Variants in ZNF428 observed in about 807,000 individuals in gnomAD.
The protein encoded by ZNF428 is enzyme-like protein PIT13.
In ZNF428, 5 loss-of-function variants were observed where a neutral mutation model predicts 15.6. That is an observed-to-expected ratio of 0.32 (90% CI 0.17 to 0.67). The LOEUF is 0.67. Among genes scored for constraint, ZNF428 ranks in the 30% least tolerant of loss-of-function variants. ZNF428 has a pLI of 0.73. For missense variants in ZNF428, 237 were observed against 256.0 expected (o/e 0.93, Z 0.51); for synonymous variants, 97 against 102.2 (o/e 0.95, Z 0.31).
In ZNF428 at chr19:43,607,735, TCCC is replaced by T. The variant is rs747372000; in HGVS notation, c.446_448del (p.Arg149_Glu150delinsGln). 6.2e-7 allele frequency: 1 copy of T among 1,612,384 alleles called. No homozygotes were observed. Among genetic ancestry groups the T allele is most frequent in the Non-Finnish European group, 8.5e-7 (1 of 1,179,050 alleles). ...CTCCTCCTCCTCTTCCTCCTCCTCC[TCCC>T]GCCCAGCTGGTCGGCCCTCCCCAGC... On this transcript the variant is annotated inframe_deletion, in exon 3 of 3. Transcript: ENST00000300811. This position sits in a 1 kb window ranked among gnomAD's most constrained non-coding sequence, Gnocchi z 5.1.
intron 1 of ZNF428, among the ~76,000 whole-genome samples, chr19:43,617,582 G>A (rs1197785620): frequency 6.6e-6 from 1 of 152,208 alleles, no homozygotes. Context: ...TGGCAGAGGA[G>A]AATTCTAATG....
At position 43,607,533 on chromosome 19, in the gene ZNF428, A is replaced by C; in HGVS notation, c.*84T>G. ...ACAGACCGGCAGTACCCCATCCCCC[A>C]TGACCACTGTCACAACCCCAATTTC... is the stretch of plus-strand genomic sequence containing the variant. On this transcript the variant is annotated 3_prime_UTR_variant, in exon 3 of 3. Transcript: ENST00000300811. The surrounding 1 kb of genome is among the most constrained non-coding windows in gnomAD (Gnocchi z 5.1). 7 of 1,459,756 alleles carry C rather than the reference A, an allele frequency of 4.8e-6. No individual in the cohort carries two copies. Among genetic ancestry groups the C allele is most frequent in the Non-Finnish European group, 5.5e-6 (6 of 1,095,036 alleles). 90.4% of individuals were successfully genotyped at this position (1,459,756 alleles called of 1,614,324 possible).
intron 2 of ZNF428, chr19:43,613,397 A>G: frequency 6.5e-7 from 1 of 1,530,840 alleles, no homozygotes; most frequent in Non-Finnish European, 8.8e-7. Context: ...GAGAGATCGC[A>G]GCCGATCTAG....
At chr19:43,611,840 C>G (rs1200274587) in intron 2 of ZNF428, among the ~76,000 whole-genome samples, 1 of 152,238 alleles carries the variant, frequency 6.6e-6, no homozygotes, top group East Asian at 1.9e-4. Flanking sequence ...GGGCCTGGGT[C>G]TGCCCCATCT....
intron 2 of ZNF428, chr19:43,613,789 GCA>G (rs1436461434): frequency 7.8e-6 from 12 of 1,547,022 alleles, no homozygotes; most frequent in Non-Finnish European, 1.0e-5. Flanking sequence ...AGGAGAGAGA[GCA>G]CAGACAATCC....
chr19:43,610,307 C>A (rs2003098), intron 2 of ZNF428, among the ~76,000 whole-genome samples: 1 of 146,504 alleles, frequency 6.8e-6, no homozygotes, highest in African/African-American at 2.7e-5. Flanking sequence ...TCAGGCAATT[C>A]TTCTGCCTCA....
intron 1 of ZNF428, among the ~76,000 whole-genome samples, chr19:43,616,525 C>T (rs1973373440): frequency 6.6e-6 from 1 of 152,142 alleles, no homozygotes; most frequent in Non-Finnish European, 1.5e-5. Context: ...AGTGAGTAGC[C>T]CAAGGTCACC....
Position 43,610,180 on chromosome 19 carries a change from C to T in ZNF428, c.77-2073G>A, listed in dbSNP as rs1985396. On this transcript the variant is annotated intron_variant, in intron 2 of 2. Coordinates refer to ENST00000300811, the MANE Select transcript of ZNF428 (RefSeq NM_182498.4). ...CCTGGCCACTCCCCAGCACTCCCTA[C>T]GCCCCTTACTCTGCTTGATTTTTCT... 2.4e-4 allele frequency among the ~76,000 whole-genome samples: 36 copies of T among 150,940 alleles called. No individual in the cohort carries two copies. The South Asian group carries it at 3.8e-3, about 16-fold the overall frequency.
chr19:43,614,294 G>A lies in ZNF428; in HGVS notation c.11C>T (p.Thr4Ile). 1 of 1,609,354 alleles carries A rather than the reference G, an allele frequency of 6.2e-7. No individual in the cohort carries two copies. Among genetic ancestry groups the A allele is most frequent in the African/African-American group, 1.3e-5 (1 of 74,968 alleles). The change falls in exon 2 of 3, where the codon ACC becomes ATC. Residue 4 changes from threonine (T) to isoleucine (I), a missense_variant. Thr to Ile is a moderately conservative substitution (Grantham distance 89). Transcript: ENST00000300811. MTE[T>I]REPAETGGYA... The stretch of plus-strand genomic sequence containing the variant: ...GCCCCCAGTCTCAGCTGGCTCACGG[G>A]TCTCTGTCATGACCGGGGGAGGGGA...
At chr19:43,613,173 G>C (rs1275815002) in intron 2 of ZNF428, 1 of 1,551,568 alleles carries the variant, frequency 6.4e-7, no homozygotes, top group African/African-American at 1.4e-5. Flanking sequence ...AGAAGAGGAA[G>C]AAGTCACAAC....
intron 1 of ZNF428, among the ~76,000 whole-genome samples, chr19:43,617,151 A>C (rs1384904347): frequency 1.3e-5 from 2 of 151,814 alleles, no homozygotes; most frequent in Non-Finnish European, 2.9e-5. Flanking sequence ...AGCCCACCAC[A>C]AACATAAGAA....
In ZNF428 at chr19:43,608,058, G is replaced by A. The variant is rs1379529609; in HGVS notation, c.126C>T (p.Ser42=). 1.8e-5 allele frequency: 29 copies of A among 1,613,824 alleles called. No individual in the cohort carries two copies. The highest frequency in any genetic ancestry group is 2.2e-5 in the Non-Finnish European group (26 of 1,179,998). Residue 42 remains serine (S), a synonymous_variant, in exon 3 of 3, where the codon TCC becomes TCT. Coordinates refer to ENST00000300811, the MANE Select transcript of ZNF428 (RefSeq NM_182498.4). The part of the protein sequence containing the change: ...DSEYTLSEPD[S]EEEEDEEEEE... ...CCTCCTCCTCATCTTCTTCCTCTTC[G>A]GAGTCCGGCTCTGAGAGAGTGTATT...
In ZNF428 at chr19:43,612,318, A is replaced by G; in HGVS notation, c.76+1911T>C. ...AGCCCAAGCAGTTCCAAGTCCACCA[A>G]ATCGACCAGTACAAAAAGAGCCCCT... On this transcript the variant is annotated intron_variant, in intron 2 of 2. Coordinates refer to ENST00000300811, the MANE Select transcript of ZNF428 (RefSeq NM_182498.4). The surrounding 1 kb of genome is among the most constrained non-coding windows in gnomAD (Gnocchi z 4.2). 1.3e-6 allele frequency: 2 copies of G among 1,551,590 alleles called. No homozygotes were observed. Among genetic ancestry groups the G allele is most frequent in the Non-Finnish European group, 8.7e-7 (1 of 1,146,972 alleles).
intron 1 of ZNF428, among the ~76,000 whole-genome samples, chr19:43,614,862 T>A (rs1973356189): frequency 6.6e-6 from 1 of 152,080 alleles, no homozygotes; most frequent in Admixed American, 6.5e-5. Context: ...CCTCGCAAAG[T>A]GCTGGGATTA....
Position 43,612,460 on chromosome 19 carries a change from G to C in ZNF428, c.76+1769C>G. 1 of 1,551,494 alleles carries C rather than the reference G, an allele frequency of 6.4e-7. No individual in the cohort carries two copies. Among genetic ancestry groups the C allele is most frequent in the Non-Finnish European group, 8.7e-7 (1 of 1,146,958 alleles). The stretch of plus-strand genomic sequence containing the variant: ...AGGCCAGCGACGTGAGATGCCACCA[G>C]CGGAGGGGCACACACAGCCGGGGTA... On this transcript the variant is annotated intron_variant, in intron 2 of 2. Coordinates refer to ENST00000300811, the MANE Select transcript of ZNF428 (RefSeq NM_182498.4). This position sits in a 1 kb window ranked among gnomAD's most constrained non-coding sequence, Gnocchi z 4.2.
chr19:43,609,360 G>GGGAGAGAGAGAGAGAGAA, intron 2 of ZNF428, among the ~76,000 whole-genome samples: 1 of 123,346 alleles, frequency 8.1e-6, no homozygotes, highest in Non-Finnish European at 1.7e-5. Context: ...TGTGGCCATG[G>GGGAGAGAGAGAGAGAGAA]AGAGAGAGAG....
chr19:43,613,977 G>T (rs551305864), intron 2 of ZNF428: 1 of 1,551,626 alleles, frequency 6.4e-7, no homozygotes, highest in South Asian at 1.2e-5. Flanking sequence ...GCTCATAGCC[G>T]ATCTAGAACC....
chr19:43,611,340 G>C (rs984258180), intron 2 of ZNF428, among the ~76,000 whole-genome samples: 1 of 146,102 alleles, frequency 6.8e-6, no homozygotes, highest in African/African-American at 2.6e-5. Flanking sequence ...TTTTTTTTTC[G>C]AGAGAGAGTC....
rs1973415564 is a variant in ZNF428 at position 43,619,585 on chromosome 19, T to G, written c.-158A>C. 1 of 152,294 alleles carries G rather than the reference T, an allele frequency of 6.6e-6. No individual in the cohort carries two copies. Among genetic ancestry groups the G allele is most frequent in the African/African-American group, 2.4e-5 (1 of 41,460 alleles). 9.4% of individuals were successfully genotyped at this position (152,294 alleles called of 1,614,324 possible). ...GCGCCGGCGGCCCCCGCTCCGGCTCTGCGGCGGCGGCTGCACGCCCAGCCT... is the reference window on the plus strand; with the variant it reads ...GCGCCGGCGGCCCCCGCTCCGGCTCGGCGGCGGCGGCTGCACGCCCAGCCT... On this transcript the variant is annotated 5_prime_UTR_variant, in exon 1 of 3. Coordinates refer to ENST00000300811, the MANE Select transcript of ZNF428 (RefSeq NM_182498.4).
Sources: allele counts gnomAD v4.1 joint callset (sites outside exome capture counted in the v4.1 genomes callset), GRCh38; gene constraint gnomAD v4.1.1; non-coding constraint Gnocchi (gnomAD v3.1); transcripts MANE v1.5; gene names NCBI Gene and HGNC (gene_info 2026-07-23, HGNC 2026-07-21).